PIK3CB: variants seen among roughly 807,000 people sequenced by gnomAD.
The protein encoded by PIK3CB is phosphatidylinositol 4,5-bisphosphate 3-kinase catalytic subunit beta isoform.
In PIK3CB, 39 loss-of-function variants were observed where a neutral mutation model predicts 136.8. The ratio of observed to expected loss-of-function variants is 0.29; its 90% CI spans 0.22 to 0.37. PIK3CB has a LOEUF of 0.37. Ranked by LOEUF, PIK3CB falls within the 10% of genes least tolerant of loss-of-function variation. The pLI, the probability that PIK3CB is intolerant of heterozygous loss-of-function variation, is 1.00. For missense variants in PIK3CB, 868 were observed against 1,275.4 expected (o/e 0.68, Z 4.87); for synonymous variants, 428 against 436.6 (o/e 0.98, Z 0.25).
At chr3:138,732,927 T>C (rs1478013296) in intron 8 of PIK3CB, among the ~76,000 whole-genome samples, 1 of 151,802 alleles carries the variant, frequency 6.6e-6, no homozygotes, top group Non-Finnish European at 1.5e-5. Context: ...TCTACTCTCC[T>C]AGCAAATTCC....
At chr3:138,660,797 C>T (rs577025135) in intron 21 of PIK3CB, among the ~76,000 whole-genome samples, 6 of 152,302 alleles carry the variant, frequency 3.9e-5, no homozygotes, top group South Asian at 2.1e-4. Context: ...AACAATATGT[C>T]GTACATGATA....
At chr3:138,818,818 T>C (rs908635399) in intron 1 of PIK3CB, among the ~76,000 whole-genome samples, 4 of 152,132 alleles carry the variant, frequency 2.6e-5, no homozygotes, top group Non-Finnish European at 5.9e-5. Context: ...TAATACAAAC[T>C]AAACAAAACT....
intron 1 of PIK3CB, among the ~76,000 whole-genome samples, chr3:138,834,054 G>C (rs1236812436): frequency 6.6e-6 from 1 of 152,190 alleles, no homozygotes; most frequent in Non-Finnish European, 1.5e-5. Context: ...CCAAACGCAC[G>C]CCAGCAGCCA....
At chr3:138,705,174 C>CAAAAAAA (rs1159172292) in intron 11 of PIK3CB, among the ~76,000 whole-genome samples, 2 of 57,058 alleles carry the variant, frequency 3.5e-5, no homozygotes, top group African/African-American at 8.5e-5. Flanking sequence ...AAAAAAAAAA[C>CAAAAAAA]AAAAAACAAA....
intron 16 of PIK3CB, among the ~76,000 whole-genome samples, chr3:138,685,722 A>G (rs1243654349): frequency 6.6e-6 from 1 of 152,202 alleles, no homozygotes; most frequent in East Asian, 1.9e-4. Flanking sequence ...ATTCAAATCT[A>G]AATTACTTGT....
chr3:138,780,953 G>A (rs1288978909), intron 2 of PIK3CB, among the ~76,000 whole-genome samples: 1 of 152,114 alleles, frequency 6.6e-6, no homozygotes. Flanking sequence ...CCAAAGTGCT[G>A]ATGTTACAAG....
At chr3:138,832,617 G>T (rs1934083686) in intron 1 of PIK3CB, among the ~76,000 whole-genome samples, 1 of 151,778 alleles carries the variant, frequency 6.6e-6, no homozygotes, top group Admixed American at 6.6e-5. Context: ...ACCTGAGGTT[G>T]GGAGTCCGAG....
chr3:138,787,851 T>A (rs2045999027), intron 2 of PIK3CB, among the ~76,000 whole-genome samples: 1 of 151,704 alleles, frequency 6.6e-6, no homozygotes, highest in African/African-American at 2.4e-5. Flanking sequence ...TGGCAAAGCA[T>A]ACTTAAGATT....
At chr3:138,676,229 T>C (rs2043639895) in intron 19 of PIK3CB, among the ~76,000 whole-genome samples, 1 of 152,114 alleles carries the variant, frequency 6.6e-6, no homozygotes, top group Admixed American at 6.5e-5. Context: ...TCAACAACAT[T>C]AGTCATTGGG....
intron 8 of PIK3CB, among the ~76,000 whole-genome samples, chr3:138,719,479 CAA>C (rs2044683141): frequency 6.6e-6 from 1 of 152,026 alleles, no homozygotes; most frequent in African/African-American, 2.4e-5. Flanking sequence ...CTCCTGAGCT[CAA>C]GTGATCTGCC....
At chr3:138,760,888 C>A (rs1273015580) in intron 2 of PIK3CB, among the ~76,000 whole-genome samples, 1 of 152,104 alleles carries the variant, frequency 6.6e-6, no homozygotes, top group Non-Finnish European at 1.5e-5. Context: ...GCCTGGACAA[C>A]AAAGTGAGAC....
chr3:138,751,979 A>C (rs1470114576), intron 4 of PIK3CB, among the ~76,000 whole-genome samples: 3 of 151,868 alleles, frequency 2.0e-5, no homozygotes, highest in Non-Finnish European at 4.4e-5. Flanking sequence ...TATAAAAAAA[A>C]AAAAAAAAAA....
At chr3:138,796,225 A>C (rs2046106403) in intron 2 of PIK3CB, among the ~76,000 whole-genome samples, 1 of 151,922 alleles carries the variant, frequency 6.6e-6, no homozygotes, top group African/African-American at 2.4e-5. Context: ...TCTACTAAAA[A>C]TACAAAAATA....
chr3:138,815,368 A>AAAAAAAAAAAAAAAAC (rs1553743726), intron 1 of PIK3CB, among the ~76,000 whole-genome samples: 10 of 105,910 alleles, frequency 9.4e-5, no homozygotes, highest in Admixed American at 1.1e-4. Context: ...AAAAAAAAAA[A>AAAAAAAAAAAAAAAAC]AAAAAAACTA....
At chr3:138,775,086 A>G (rs889872685) in intron 2 of PIK3CB, among the ~76,000 whole-genome samples, 22 of 152,162 alleles carry the variant, frequency 1.4e-4, no homozygotes, top group African/African-American at 5.1e-4. Context: ...CTCCCTCACT[A>G]TGGACTGTAA....
chr3:138,694,636 T>G, intron 14 of PIK3CB, 150 bp downstream of exon 14: 1 of 746,732 alleles, frequency 1.3e-6, no homozygotes, highest in Non-Finnish European at 2.0e-6. Context: ...AACATTGAGT[T>G]GGGGAGCTGG....
At chr3:138,806,969 G>A (rs1452785311) in intron 1 of PIK3CB, among the ~76,000 whole-genome samples, 1 of 152,118 alleles carries the variant, frequency 6.6e-6, no homozygotes, top group East Asian at 1.9e-4. Context: ...TTGCAGTAGT[G>A]CCCTCAAATA....
At chr3:138,746,746 T>C in intron 4 of PIK3CB, among the ~76,000 whole-genome samples, 1 of 151,782 alleles carries the variant, frequency 6.6e-6, no homozygotes, top group East Asian at 1.9e-4. Context: ...AAAATTCTCC[T>C]GTACTAGATC....
At chr3:138,829,027 C>G (rs1933913831) in intron 1 of PIK3CB, among the ~76,000 whole-genome samples, 1 of 149,738 alleles carries the variant, frequency 6.7e-6, no homozygotes, top group African/African-American at 2.5e-5. Context: ...GTCTCGAACT[C>G]CTGACCTCAG....
Sources: allele counts gnomAD v4.1 joint callset (sites outside exome capture counted in the v4.1 genomes callset), GRCh38; gene constraint gnomAD v4.1.1; transcripts MANE v1.5; gene names NCBI Gene and HGNC (gene_info 2026-07-23, HGNC 2026-07-21).